WNT9A: variants seen among roughly 807,000 people sequenced by gnomAD.
WNT9A encodes Wnt family member 9A, also known as protein Wnt-9a.
WNT9A carries 8 observed loss-of-function variants against 31.4 expected under a neutral mutation model. The observed-to-expected ratio is 0.26, with a 90% CI of 0.15 to 0.46. The LOEUF is 0.46. WNT9A is among the 20% of genes least tolerant of loss of function. The pLI is 0.99. For missense variants in WNT9A, 457 were observed against 522.9 expected (o/e 0.87, Z 1.23); for synonymous variants, 236 against 220.1 (o/e 1.07, Z -0.64).
chr1:227,927,581 T>C (rs1774755), intron 1 of WNT9A, among the ~76,000 whole-genome samples: 1 of 151,932 alleles, frequency 6.6e-6, no homozygotes, highest in Non-Finnish European at 1.5e-5. Context: ...TCCCAGGACA[T>C]CTGGGCACAC....
At chr1:227,938,943 T>G (rs920465266) in intron 1 of WNT9A, among the ~76,000 whole-genome samples, 1 of 152,228 alleles carries the variant, frequency 6.6e-6, no homozygotes, top group Middle Eastern at 3.2e-3. Context: ...GCCTCTGACC[T>G]GGCTGCACCC....
rs1427887048 is a variant in WNT9A, at chr1:227,928,392, C to T, written c.96-2873G>A. ...GAAGGGTGTGGAGGGAGGGTTGCCC[C>T]AGCCTAGCAGTGGCAAGGGATGGCC... On this transcript the variant is annotated intron_variant, in intron 1 of 3. Transcript: ENST00000272164. The surrounding 1 kb of genome is among the most constrained non-coding windows in gnomAD (Gnocchi z 4.5). 6.6e-6 allele frequency among the ~76,000 whole-genome samples: 1 copy of T among 152,130 alleles called. No individual in the cohort carries two copies. The highest frequency in any genetic ancestry group is 2.4e-5 in the African/African-American group (1 of 41,426).
At chr1:227,946,127 A>C (rs1425236306) in intron 1 of WNT9A, among the ~76,000 whole-genome samples, 1 of 152,228 alleles carries the variant, frequency 6.6e-6, no homozygotes, top group Non-Finnish European at 1.5e-5. Flanking sequence ...CAGAGAAGCC[A>C]CAACAGCACT....
chr1:227,923,690 TC>T (rs918538496), intron 3 of WNT9A, among the ~76,000 whole-genome samples: 60 of 152,020 alleles, frequency 3.9e-4, no homozygotes, highest in African/African-American at 1.4e-3. Flanking sequence ...TTCCCTGGGA[TC>T]CCCTGCCCAC....
chr1:227,937,736 C>T (rs1317271993), intron 1 of WNT9A, among the ~76,000 whole-genome samples: 4 of 152,236 alleles, frequency 2.6e-5, no homozygotes, highest in African/African-American at 9.6e-5. Context: ...CATGGCCCTG[C>T]GGACGCCGTG....
intron 1 of WNT9A, among the ~76,000 whole-genome samples, chr1:227,930,890 A>G (rs1476837679): frequency 6.6e-6 from 1 of 151,954 alleles, no homozygotes; most frequent in Non-Finnish European, 1.5e-5. Context: ...GCATGGAGGC[A>G]TACGCCTGTA....
chr1:227,921,417 G>C lies in WNT9A; in HGVS notation c.*101C>G. On this transcript the variant is annotated 3_prime_UTR_variant, in exon 4 of 4. Coordinates refer to ENST00000272164, the MANE Select transcript of WNT9A (RefSeq NM_003395.4). ...TGCAATGCCTGTACCCCACGCAGCT[G>C]GGCTGGTCGAGCCCAGGAACTCAGC... 1 of 1,516,502 alleles carries C rather than the reference G, an allele frequency of 6.6e-7. No homozygotes were observed. The highest frequency in any genetic ancestry group is 1.3e-5 in the South Asian group (1 of 77,008). 93.9% of individuals were successfully genotyped at this position (1,516,502 alleles called of 1,614,324 possible).
rs945674677 is a variant in WNT9A, at chr1:227,923,932, G to A, written c.615+206C>T. Among the ~76,000 whole-genome samples, 6 of 152,236 alleles carry A rather than the reference G, an allele frequency of 3.9e-5. No homozygotes were observed. The East Asian group carries it at 7.7e-4, about 20-fold the overall frequency. Reference sequence around the variant, plus strand: ...GATACCTCTCCATGGCTAGTGCCCCGTTTGGTGGGTAGGGAGCCTTATGGG... The same window carrying A: ...GATACCTCTCCATGGCTAGTGCCCCATTTGGTGGGTAGGGAGCCTTATGGG... On this transcript the variant is annotated intron_variant, in intron 3 of 3. Coordinates refer to ENST00000272164, the MANE Select transcript of WNT9A (RefSeq NM_003395.4).
chr1:227,947,346 C>A (rs1293424460), intron 1 of WNT9A, among the ~76,000 whole-genome samples: 1 of 152,136 alleles, frequency 6.6e-6, no homozygotes, highest in Non-Finnish European at 1.5e-5. Flanking sequence ...CGAGGAACAT[C>A]TGGATTTTGT....
intron 1 of WNT9A, among the ~76,000 whole-genome samples, chr1:227,940,903 G>A (rs917272843): frequency 1.2e-4 from 18 of 152,176 alleles, no homozygotes; most frequent in Non-Finnish European, 2.5e-4. Context: ...GTGCCACCCA[G>A]GTCAGCAGGC....
rs2102716093 is a variant in WNT9A at position 227,921,887 on chromosome 1, C to T, written c.729G>A (p.Leu243=). The T allele has an allele frequency of 6.2e-7, 1 of 1,613,230 alleles. No individual in the cohort carries two copies. Among genetic ancestry groups the T allele is most frequent in the Non-Finnish European group, 8.5e-7 (1 of 1,179,946 alleles). ...TGAGTGCCGTCTCATACTTGTGCTT[C>T]AGATGCTTGCCCACCTCATGGAAAG... ...LAPFHEVGKH[L]KHKYETALKV... is the part of the protein sequence containing the mutation. The change falls in exon 4 of 4, where the codon CTG becomes CTA. Residue 243 remains leucine, a synonymous_variant. Transcript: ENST00000272164.
At chr1:227,930,217 C>G (rs1451005882) in intron 1 of WNT9A, among the ~76,000 whole-genome samples, 1 of 152,212 alleles carries the variant, frequency 6.6e-6, no homozygotes, top group African/African-American at 2.4e-5. Flanking sequence ...GAGCAGCCAG[C>G]CACCCTATGT....
At position 227,922,123 on chromosome 1, in the gene WNT9A, G is replaced by A. The variant is rs1379027252; in HGVS notation, c.616-123C>T. The A allele has an allele frequency of 2.5e-5, 35 of 1,415,684 alleles. No individual in the cohort carries two copies. The East Asian group carries it at 4.7e-4, about 19-fold the overall frequency. 87.7% of individuals were successfully genotyped at this position (1,415,684 alleles called of 1,614,324 possible). ...CCACCCAGGCCCAGGCCCTGCCGGC[G>A]GGCGTCACCACTGCACATCTCACAT... On this transcript the variant is annotated intron_variant, in intron 3 of 3. Transcript: ENST00000272164.
chr1:227,940,759 G>A (rs1666689466), intron 1 of WNT9A, among the ~76,000 whole-genome samples: 1 of 152,244 alleles, frequency 6.6e-6, no homozygotes, highest in Non-Finnish European at 1.5e-5. Flanking sequence ...CTGGTCCTGA[G>A]GTGCTGCAAC....
At chr1:227,936,308 G>A (rs1384422875) in intron 1 of WNT9A, among the ~76,000 whole-genome samples, 1 of 152,034 alleles carries the variant, frequency 6.6e-6, no homozygotes, top group African/African-American at 2.4e-5. Flanking sequence ...TCCTGCCTCA[G>A]CCTCCCAAGT....
intron 3 of WNT9A, among the ~76,000 whole-genome samples, chr1:227,923,858 G>C (rs748563430): frequency 1.3e-5 from 2 of 152,140 alleles, no homozygotes; most frequent in Non-Finnish European, 2.9e-5. Context: ...AGGGACCGTG[G>C]GGGCCCCTCT....
rs900156244 is a variant in WNT9A, at chr1:227,925,173, G to A, written c.352+90C>T. On this transcript the variant is annotated intron_variant, in intron 2 of 3. Transcript: ENST00000272164. The surrounding 1 kb of genome is among the most constrained non-coding windows in gnomAD (Gnocchi z 6.0). ...GGCTGGGCCCGGCGTCCCCAGGAGC[G>A]CAGCCTAAGAGGGGCCTCTTGGGAT... The A allele has an allele frequency of 2.8e-5, 39 of 1,417,184 alleles. No homozygotes were observed. The highest frequency in any genetic ancestry group is 3.1e-5 in the Non-Finnish European group (34 of 1,086,342). 87.8% of individuals were successfully genotyped at this position (1,417,184 alleles called of 1,614,324 possible).
At chr1:227,930,663 G>A (rs7539027) in intron 1 of WNT9A, among the ~76,000 whole-genome samples, 5,296 of 152,274 alleles carry the variant, frequency 0.035, 337 homozygotes, top group African/African-American at 0.12. Context: ...GAAGCCTGAC[G>A]CCCAAACACC....
chr1:227,946,115 G>A (rs991039089), intron 1 of WNT9A, among the ~76,000 whole-genome samples: 1 of 152,194 alleles, frequency 6.6e-6, no homozygotes, highest in African/African-American at 2.4e-5. Flanking sequence ...AGGGGGCCTG[G>A]CCAGAGAAGC....
Sources: allele counts gnomAD v4.1 joint callset (sites outside exome capture counted in the v4.1 genomes callset), GRCh38; gene constraint gnomAD v4.1.1; non-coding constraint Gnocchi (gnomAD v3.1); transcripts MANE v1.5; gene names NCBI Gene and HGNC (gene_info 2026-07-23, HGNC 2026-07-21).